NPAT: variants seen among roughly 807,000 people sequenced by gnomAD.
NPAT encodes protein NPAT.
A neutral mutation model predicts 130.7 loss-of-function variants in NPAT; 52 were observed. That is an observed-to-expected ratio of 0.40 (90% CI 0.32 to 0.50). NPAT has a LOEUF of 0.50. NPAT is among the 20% of genes least tolerant of loss of function. The probability of loss-of-function intolerance (pLI) is 0.68; values close to 1 mark genes in which losing one functional copy is unlikely to be tolerated. For missense variants in NPAT, 1,687 were observed against 1,662.6 expected, an observed-to-expected ratio of 1.01 and a Z score of -0.26; for synonymous variants, 580 against 584.8, an observed-to-expected ratio of 0.99 and a Z score of 0.12.
intron 15 of NPAT, among the ~76,000 whole-genome samples, chr11:108,168,910 T>C (rs905778547): frequency 2.0e-5 from 3 of 152,114 alleles, no homozygotes; most frequent in Non-Finnish European, 2.9e-5. Flanking sequence ...AGATGACAAA[T>C]GTATGCACAT....
Position 108,173,862 on chromosome 11 carries a change from T to C in NPAT, c.1133-11A>G. ...GACCAGACTGACCATCTGCAAAGTATCAGGCAGGTAGACAGATATGGTAAA... is the reference window on the plus strand; with the variant it reads ...GACCAGACTGACCATCTGCAAAGTACCAGGCAGGTAGACAGATATGGTAAA... On this transcript the variant is annotated splice_polypyrimidine_tract_variant and intron_variant, in intron 12 of 17. Transcript: ENST00000278612. 6.2e-7 allele frequency: 1 copy of C among 1,611,494 alleles called. No homozygotes were observed. The highest frequency in any genetic ancestry group is 8.5e-7 in the Non-Finnish European group (1 of 1,177,668).
Position 108,177,089 on chromosome 11 carries a change from C to T in NPAT, c.908G>A (p.Ser303Asn), listed in dbSNP as rs772943629. 5.0e-6 allele frequency: 8 copies of T among 1,598,892 alleles called. No homozygotes were observed. In the East Asian group the frequency reaches 1.8e-4, roughly 36 times the overall value. Residue 303 changes from serine to asparagine, a missense_variant and splice_region_variant, in exon 11 of 18, where the codon AGT becomes AAT. Ser to Asn is a conservative substitution (Grantham distance 46). Coordinates refer to ENST00000278612, the MANE Select transcript of NPAT (RefSeq NM_002519.3). ...AGCTTCTTCAGACATGTGAATTTCA[C>T]TCTGCAAGAAAGGAGTGGCGTGAAG... ...TSIDEFLGLP[S>N]EIHMSEEAIQ...
At chr11:108,210,460 G>A (rs1242915670) in intron 1 of NPAT, among the ~76,000 whole-genome samples, 3 of 152,166 alleles carry the variant, frequency 2.0e-5, no homozygotes, top group Non-Finnish European at 4.4e-5. Flanking sequence ...TGAGAGGCCA[G>A]CTTCCCCCTT....
chr11:108,185,321 T>C lies in NPAT; in HGVS notation c.819-2A>G. On this transcript the variant is annotated splice_acceptor_variant, in intron 9 of 17. Transcript: ENST00000278612. LOFTEE classifies it high-confidence loss of function. ...GGTACTTGGGCAATATTGTTATCAC[T>C]GTTAATAAAGAAAGAAAAATCTTTA... The C allele has an allele frequency of 6.2e-7, 1 of 1,605,144 alleles. No individual in the cohort carries two copies. The highest frequency in any genetic ancestry group is 8.5e-7 in the Non-Finnish European group (1 of 1,173,252).
chr11:108,162,004 AAAC>A lies in NPAT; in HGVS notation c.3079_3081del (p.Val1027del), dbSNP rs760278799. ...AGATCTGTGGCAATACTTTTGTCAG[AAAC>A]TTCAGTTCTAAAACAAAACAAAACA... On this transcript the variant is annotated inframe_deletion, in exon 17 of 18. Coordinates refer to ENST00000278612, the MANE Select transcript of NPAT (RefSeq NM_002519.3). The A allele has an allele frequency of 1.6e-5, 25 of 1,608,422 alleles. No individual in the cohort carries two copies. The highest frequency in any genetic ancestry group is 1.3e-5 in the Non-Finnish European group (15 of 1,177,818).
chr11:108,181,464 C>CA (rs147366676), intron 10 of NPAT, among the ~76,000 whole-genome samples: 76,013 of 150,724 alleles, frequency 0.5, 20,361 homozygotes, highest in Middle Eastern at 0.72. Context: ...GACTCTGTCT[C>CA]AAAAAAAACA....
At chr11:108,199,726 C>G (rs983427667) in intron 1 of NPAT, among the ~76,000 whole-genome samples, 1 of 152,170 alleles carries the variant, frequency 6.6e-6, no homozygotes, top group African/African-American at 2.4e-5. Context: ...TCTCCCTTCA[C>G]AGAGGTCTAG....
At chr11:108,166,283 A>G (rs2077902090) in intron 15 of NPAT, among the ~76,000 whole-genome samples, 2 of 152,044 alleles carry the variant, frequency 1.3e-5, no homozygotes, top group African/African-American at 2.4e-5. Context: ...TCCCAGCTAC[A>G]AGGGAGGCTG....
At chr11:108,205,219 A>T (rs1227830250) in intron 1 of NPAT, among the ~76,000 whole-genome samples, 1 of 152,244 alleles carries the variant, frequency 6.6e-6, no homozygotes, top group Non-Finnish European at 1.5e-5. Flanking sequence ...TGATTGTTGA[A>T]GAAAAAAGAT....
chr11:108,217,446 T>G (rs2078444487), intron 1 of NPAT, among the ~76,000 whole-genome samples: 1 of 152,196 alleles, frequency 6.6e-6, no homozygotes, highest in Non-Finnish European at 1.5e-5. Flanking sequence ...AAGAAATTCT[T>G]GTATATATCA....
chr11:108,184,412 C>T (rs2078085143), intron 10 of NPAT, among the ~76,000 whole-genome samples: 1 of 150,466 alleles, frequency 6.6e-6, no homozygotes, highest in East Asian at 2.0e-4. Flanking sequence ...GCAGAGCTTG[C>T]AGTGACCTGA....
At chr11:108,206,112 C>T (rs1434476454) in intron 1 of NPAT, among the ~76,000 whole-genome samples, 3 of 152,128 alleles carry the variant, frequency 2.0e-5, no homozygotes, top group East Asian at 3.8e-4. Flanking sequence ...ACTTTCTTCC[C>T]CAACTCTGCT....
rs1200047478 is a variant in NPAT at position 108,197,292 on chromosome 11, A to C, written c.156+10T>G. 2 of 1,494,404 alleles carry C rather than the reference A, an allele frequency of 1.3e-6. No homozygotes were observed. Among genetic ancestry groups the C allele is most frequent in the Admixed American group, 1.7e-5 (1 of 59,868 alleles). 92.6% of individuals were successfully genotyped at this position (1,494,404 alleles called of 1,614,324 possible). A position where few individuals can be genotyped will look rare whatever the true frequency, so the allele number is the denominator to read the frequency against. ...GATGAAATATTTCCCTTAAGGAACA[A>C]ATAACTCACCAGTAAGCAGGCTGGA... is the stretch of plus-strand genomic sequence containing the variant. On this transcript the variant is annotated intron_variant, in intron 2 of 17. Coordinates refer to ENST00000278612, the MANE Select transcript of NPAT (RefSeq NM_002519.3).
chr11:108,173,397 C>T lies in NPAT; in HGVS notation c.1587G>A (p.Lys529=), dbSNP rs2134837562. 1 of 1,614,054 alleles carries T rather than the reference C, an allele frequency of 6.2e-7. No homozygotes were observed. Among genetic ancestry groups the T allele is most frequent in the Non-Finnish European group, 8.5e-7 (1 of 1,179,972 alleles). The part of the protein sequence containing the change: ...ANNENLILSG[K]SSQLLSQDTS... ...TATCTTGGGATAAAAGTTGAGAACT[C>T]TTCCCAGAGAGAATTAAGTTTTCAT... The change falls in exon 13 of 18, where the codon AAG becomes AAA. Residue 529 remains lysine, a synonymous_variant. Transcript: ENST00000278612.
intron 2 of NPAT, among the ~76,000 whole-genome samples, chr11:108,196,280 A>G (rs1242503664): frequency 2.6e-5 from 4 of 152,200 alleles, no homozygotes; most frequent in East Asian, 1.9e-4. Context: ...GTGGGTCTCT[A>G]CATGGACTTG....
At chr11:108,190,803 T>C (rs1465672087) in intron 4 of NPAT, among the ~76,000 whole-genome samples, 1 of 152,198 alleles carries the variant, frequency 6.6e-6, no homozygotes, top group Admixed American at 6.5e-5. Flanking sequence ...CTGGGTATGG[T>C]GGTTCATGCC....
intron 1 of NPAT, among the ~76,000 whole-genome samples, chr11:108,199,229 T>C (rs1256489367): frequency 6.6e-6 from 1 of 152,170 alleles, no homozygotes; most frequent in Non-Finnish European, 1.5e-5. Context: ...TCCAAGTTTT[T>C]GGGCGCTGCT....
rs1329327904 is a variant in NPAT at position 108,161,059 on chromosome 11, T to C, written c.4027A>G (p.Ile1343Val). ...GGAGTTGCTGAAGTAGTCCTAGAAA[T>C]GGCTGCCCTGGAGAGAATCATTAAT... The part of the protein sequence containing the change: ...HTLMILSRAA[I>V]SRTTSATPLK... The change falls in exon 17 of 18, where the codon ATT becomes GTT. Residue 1343 changes from isoleucine to valine, a missense_variant. By Grantham distance (29) the Ile-to-Val change is conservative. Coordinates refer to ENST00000278612, the MANE Select transcript of NPAT (RefSeq NM_002519.3). 1.2e-6 allele frequency: 2 copies of C among 1,614,166 alleles called. No individual in the cohort carries two copies. The highest frequency in any genetic ancestry group is 1.7e-6 in the Non-Finnish European group (2 of 1,180,018).
At chr11:108,167,219 CTT>C (rs749113214) in intron 15 of NPAT, among the ~76,000 whole-genome samples, 3 of 152,112 alleles carry the variant, frequency 2.0e-5, no homozygotes, top group Non-Finnish European at 4.4e-5. Context: ...ACACCTATCT[CTT>C]TTCTTTTCTG....
Sources: gnomAD v4.1 joint callset for allele counts (sites outside exome capture counted in the v4.1 genomes callset) on GRCh38, gnomAD v4.1.1 for gene constraint, MANE v1.5 for transcripts, NCBI Gene and HGNC (gene_info 2026-07-23, HGNC 2026-07-21) for gene names.